STS: variants seen among roughly 807,000 people sequenced by gnomAD.
STS encodes steroid sulfatase, also known as steryl-sulfatase.
Under a neutral mutation model 26.8 loss-of-function variants are expected in STS, and 7 were observed. That is an observed-to-expected ratio of 0.26 (90% CI 0.15 to 0.49). The LOEUF (loss-of-function observed/expected upper bound fraction) is 0.49. STS is among the 20% of genes least tolerant of loss of function. The pLI is 0.98. For missense variants in STS, 434 were observed against 465.6 expected (o/e 0.93, Z 0.63); for synonymous variants, 199 against 189.4 (o/e 1.05, Z -0.42).
chrX:7,254,178 C>A (rs1206820696), intron 3 of STS, among the ~76,000 whole-genome samples: 3 of 111,884 alleles, frequency 2.7e-5, no homozygotes, highest in African/African-American at 9.7e-5. Flanking sequence ...AGCTGACAAT[C>A]AGGAGAGGTA....
At chrX:7,240,438 A>G (rs1226209149) in intron 2 of STS, among the ~76,000 whole-genome samples, 1 of 99,291 alleles carries the variant, frequency 1.0e-5, no homozygotes, top group Non-Finnish European at 2.0e-5. Flanking sequence ...AGAAAATGGA[A>G]ATGAATCTTC....
At chrX:7,177,171 G>C (rs766252168) in intron 1 of STS, among the ~76,000 whole-genome samples, 2 of 110,971 alleles carry the variant, frequency 1.8e-5, no homozygotes, top group African/African-American at 3.3e-5. Context: ...CTCAGGATCA[G>C]GGTACTAGAA....
chrX:7,349,816 A>G, intron 10 of STS, 72 bp from the exon 11 acceptor site: 16 of 1,189,944 alleles, frequency 1.3e-5, no homozygotes, highest in Non-Finnish European at 1.8e-5. Context: ...TAATTTCCGC[A>G]TCACTTTTTC....
intron 1 of STS, among the ~76,000 whole-genome samples, chrX:7,160,377 TTATC>T (rs780779212): frequency 3.6e-5 from 4 of 112,286 alleles, no homozygotes; most frequent in Non-Finnish European, 7.5e-5. Context: ...CTACAACAAT[TTATC>T]TAATATGTTT....
chrX:7,341,166 T>C (rs1174685668), intron 10 of STS, among the ~76,000 whole-genome samples: 1 of 111,784 alleles, frequency 8.9e-6, no homozygotes, highest in African/African-American at 3.3e-5. Flanking sequence ...AAGTTGGGAT[T>C]TGCAACCAAC....
At chrX:7,195,650 G>A (rs1933959884) in intron 2 of STS, among the ~76,000 whole-genome samples, 1 of 112,556 alleles carries the variant, frequency 8.9e-6, no homozygotes, top group Admixed American at 9.4e-5. Context: ...TCTAGTGAAA[G>A]CACTTAGAAT....
intron 2 of STS, among the ~76,000 whole-genome samples, chrX:7,244,160 C>T: frequency 8.9e-6 from 1 of 111,771 alleles, no homozygotes; most frequent in East Asian, 2.8e-4. Context: ...GAGCATGATG[C>T]TGTTGTGCAG....
intron 8 of STS, among the ~76,000 whole-genome samples, chrX:7,322,213 C>T (rs762126551): frequency 2.7e-5 from 3 of 111,980 alleles, no homozygotes; most frequent in Non-Finnish European, 3.8e-5. Flanking sequence ...GAGAAGAGGA[C>T]GCCTGGCTAG....
chrX:7,266,367 A>G (rs1235329475), intron 6 of STS, among the ~76,000 whole-genome samples: 2 of 111,941 alleles, frequency 1.8e-5, no homozygotes, highest in Non-Finnish European at 3.8e-5. Flanking sequence ...AGGAGGCATA[A>G]GGCAAAGATG....
chrX:7,221,318 T>G (rs1921556675), intron 2 of STS, among the ~76,000 whole-genome samples: 1 of 112,504 alleles, frequency 8.9e-6, no homozygotes, highest in South Asian at 3.7e-4. Context: ...AATATTCTGA[T>G]AGTCGATTCA....
intron 5 of STS, among the ~76,000 whole-genome samples, chrX:7,258,346 GGATA>G (rs199994112): frequency 0.13 from 14,323 of 109,952 alleles, 902 homozygotes; most frequent in Non-Finnish European, 0.18. Flanking sequence ...TACATAGGAT[GGATA>G]GATAGATAAT....
intron 2 of STS, among the ~76,000 whole-genome samples, chrX:7,240,529 GTGTGTA>G (rs1258150967): frequency 0.024 from 1,101 of 46,841 alleles, 9 homozygotes; most frequent in African/African-American, 0.029. Context: ...GTGTGTGTGT[GTGTGTA>G]TATATATATA....
chrX:7,255,144 T>C (rs946211195), intron 3 of STS, among the ~76,000 whole-genome samples: 1 of 112,520 alleles, frequency 8.9e-6, no homozygotes, highest in Non-Finnish European at 1.9e-5. Context: ...TTGCATCAAA[T>C]GTTGCTTTTT....
intron 1 of STS, among the ~76,000 whole-genome samples, chrX:7,150,979 T>C (rs1455389758): frequency 8.9e-6 from 1 of 112,515 alleles, no homozygotes; most frequent in Non-Finnish European, 1.9e-5. Flanking sequence ...AATAACTTAC[T>C]TTTCCTGACA....
intron 8 of STS, among the ~76,000 whole-genome samples, chrX:7,320,026 ATATATATATTTATATAT>A (rs1488059306): frequency 7.1e-4 from 66 of 92,907 alleles, no homozygotes; most frequent in South Asian, 3.0e-3. Flanking sequence ...ATATATATTT[ATATATATATTTATATAT>A]TATATATATT....
chrX:7,334,723 C>T (rs1231948319), intron 10 of STS, among the ~76,000 whole-genome samples: 15 of 112,722 alleles, frequency 1.3e-4, no homozygotes, highest in African/African-American at 6.5e-5. Context: ...GATCGTGACT[C>T]ACTGCATCTG....
intron 8 of STS, among the ~76,000 whole-genome samples, chrX:7,318,507 A>G (rs1926821646): frequency 9.0e-6 from 1 of 111,565 alleles, no homozygotes; most frequent in Non-Finnish European, 1.9e-5. Flanking sequence ...AAATTTTAAA[A>G]CATTTTTTTG....
At chrX:7,147,696 G>A (rs1029160934), upstream of STS, among the ~76,000 whole-genome samples, 1 of 112,003 alleles carries the variant, frequency 8.9e-6, no homozygotes, top group Non-Finnish European at 1.9e-5. Flanking sequence ...AGAGCGCGGA[G>A]GTCCCGCCGC....
chrX:7,203,908 C>G (rs1934125954), intron 2 of STS, among the ~76,000 whole-genome samples: 1 of 111,134 alleles, frequency 9.0e-6, no homozygotes, highest in African/African-American at 3.3e-5. Context: ...TCTCAGCTTC[C>G]CAAGTAGGTG....
Sources: gnomAD v4.1 joint callset for allele counts (sites outside exome capture counted in the v4.1 genomes callset) on GRCh38, gnomAD v4.1.1 for gene constraint, MANE v1.5 for transcripts, NCBI Gene and HGNC (gene_info 2026-07-23, HGNC 2026-07-21) for gene names.